The following ESCO2 variants were observed in gnomAD, a reference collection of about 807,000 sequenced individuals.
ESCO2 encodes establishment of sister chromatid cohesion N-acetyltransferase 2.
Under a neutral mutation model 61.7 loss-of-function variants are expected in ESCO2, and 51 were observed. The ratio of observed to expected loss-of-function variants is 0.83; its 90% CI spans 0.66 to 1.04. The LOEUF is 1.04. ESCO2 is among the 50% of genes least tolerant of loss of function. ESCO2 has a pLI of 0.00. For synonymous variants in ESCO2, 230 were observed against 238.2 expected (o/e 0.97, Z 0.32); for missense variants, 692 against 686.2 (o/e 1.01, Z -0.09).
At chr8:27,789,011 A>G (rs1201658031) in intron 7 of ESCO2, 33 bp downstream of exon 7, 17 of 1,613,464 alleles carry the variant, frequency 1.1e-5, no homozygotes, top group Admixed American at 5.0e-5. Context: ...AGTTTGTTCT[A>G]GAAGTAAAAC....
rs1805526467 is a variant in ESCO2, at chr8:27,804,843, T to G, written c.*1405T>G. 1 of 838,488 alleles carries G rather than the reference T, an allele frequency of 1.2e-6. No individual in the cohort carries two copies. Among genetic ancestry groups the G allele is most frequent in the African/African-American group, 1.9e-5 (1 of 51,522 alleles). The allele number at this position is 838,488 out of a possible 1,614,324, so 51.9% of individuals were successfully genotyped here. A position where few individuals can be genotyped will look rare whatever the true frequency, so the allele number is the denominator to read the frequency against. On this transcript the variant is annotated 3_prime_UTR_variant, in exon 11 of 11. Transcript: ENST00000305188. ...AAATATTTTATTTAAAATTTTTAAT[T>G]AACATTTTGTTTGCTTAATGCTTTT...
rs1437071292 is a variant in ESCO2, at chr8:27,776,318, T to A, written c.54-44T>A. 3 of 1,524,040 alleles carry A rather than the reference T, an allele frequency of 2.0e-6. No individual in the cohort carries two copies. In the Admixed American group the frequency reaches 5.7e-5, roughly 29 times the overall value. The allele number at this position is 1,524,040 out of a possible 1,614,324, so 94.4% of individuals were successfully genotyped here. On this transcript the variant is annotated intron_variant, in intron 2 of 10. Transcript: ENST00000305188. ...CTTAGCAGTAGATTTATGTAAATTT[T>A]GACGCAAAATAATCTTATCAATGGA... is the stretch of plus-strand genomic sequence containing the variant.
downstream of ESCO2, chr8:27,810,379 C>G (rs940421569): frequency 7.0e-5 from 112 of 1,611,186 alleles, no homozygotes; most frequent in Non-Finnish European, 9.3e-5. Flanking sequence ...TTAGTGCATA[C>G]AGAGAAGAGT....
At chr8:27,801,969 A>ATTTTTTTTTTTTTTTTTTTTTTTTT (rs34539100) in intron 10 of ESCO2, among the ~76,000 whole-genome samples, 1 of 83,780 alleles carries the variant, frequency 1.2e-5, no homozygotes, top group Non-Finnish European at 2.1e-5. Flanking sequence ...CCTTCATGGC[A>ATTTTTTTTTTTTTTTTTTTTTTTTT]TTTTTTTTTT....
At chr8:27,773,484 G>C (rs983432201), upstream of ESCO2, among the ~76,000 whole-genome samples, 19 of 151,826 alleles carry the variant, frequency 1.3e-4, no homozygotes, top group African/African-American at 3.6e-4. Context: ...GGGGGAGGGG[G>C]GTTGGAATCT....
intron 9 of ESCO2, among the ~76,000 whole-genome samples, chr8:27,796,060 A>G (rs769164518): frequency 4.0e-5 from 6 of 151,274 alleles, no homozygotes; most frequent in Non-Finnish European, 7.4e-5. Flanking sequence ...TGATGTCATT[A>G]CAGATGGGCT....
At chr8:27,814,810 A>T (rs1805779647), downstream of ESCO2, among the ~76,000 whole-genome samples, 1 of 152,102 alleles carries the variant, frequency 6.6e-6, no homozygotes, top group South Asian at 2.1e-4. Context: ...GTTTCCTTAG[A>T]TATCTTGTTA....
intron 9 of ESCO2, among the ~76,000 whole-genome samples, chr8:27,793,395 C>CTAA (rs1805222045): frequency 6.6e-6 from 1 of 151,544 alleles, no homozygotes. Flanking sequence ...CTAAATCAAG[C>CTAA]TAATATAGCT....
At chr8:27,791,854 T>C in intron 7 of ESCO2, 109 bp from the exon 8 acceptor site, 1 of 910,418 alleles carries the variant, frequency 1.1e-6, no homozygotes. Flanking sequence ...TTCTTCTTTT[T>C]ATATCTATTA....
upstream of ESCO2, chr8:27,772,609 A>G (rs1003964176): frequency 3.3e-6 from 5 of 1,495,576 alleles, no homozygotes; most frequent in East Asian, 5.0e-5. Flanking sequence ...TCAGGATACC[A>G]GACTCGCGGC....
At chr8:27,774,373 T>G (rs1325420320), upstream of ESCO2, 1 of 151,976 alleles carries the variant, frequency 6.6e-6, no homozygotes, top group Non-Finnish European at 1.5e-5. Flanking sequence ...GTGGGTGGCG[T>G]GGTTTCCCTC....
At chr8:27,811,480 A>T (rs1805681737), downstream of ESCO2, 1 of 404,976 alleles carries the variant, frequency 2.5e-6, no homozygotes, top group South Asian at 2.7e-5. Context: ...CCTTGAGCAG[A>T]TCACTTCTAG....
intron 9 of ESCO2, 93 bp downstream of exon 9, chr8:27,792,904 A>G (rs953461957): frequency 3.0e-6 from 4 of 1,314,918 alleles, no homozygotes; most frequent in Non-Finnish European, 4.2e-6. Flanking sequence ...TGCTACCATT[A>G]ATGACACTCT....
chr8:27,808,887 T>C (rs180727028), downstream of ESCO2, among the ~76,000 whole-genome samples: 303 of 152,304 alleles, frequency 2.0e-3, no homozygotes, highest in Non-Finnish European at 3.5e-3. Context: ...GGGCAGTGCA[T>C]GCTGGGATTA....
chr8:27,811,319 A>G (rs966266675), downstream of ESCO2: 7 of 613,966 alleles, frequency 1.1e-5, no homozygotes, highest in African/African-American at 9.2e-5. Context: ...GTAAATATTC[A>G]AGAAGCTGGT....
At chr8:27,818,740 C>CT in the ESCO2 span, among the ~76,000 whole-genome samples, 30 of 151,224 alleles carry the variant, frequency 2.0e-4, no homozygotes, top group African/African-American at 6.1e-4. Flanking sequence ...ATATAGAATT[C>CT]TTTTTTTTTA....
rs1491012950 is a variant in ESCO2 at position 27,803,566 on chromosome 8, ACG to A, written c.*130_*131del. ...CACACTCATACACACACACACACAC[ACG>A]CACACACACATATCACAGTTTTGTT... is the stretch of plus-strand genomic sequence containing the variant. On this transcript the variant is annotated 3_prime_UTR_variant, in exon 11 of 11. Coordinates refer to ENST00000305188, the MANE Select transcript of ESCO2 (RefSeq NM_001017420.3). The A allele has an allele frequency of 3.4e-4, 498 of 1,449,394 alleles. No individual in the cohort carries two copies. Among genetic ancestry groups the A allele is most frequent in the East Asian group, 6.2e-4 (24 of 38,910 alleles). 89.8% of individuals were successfully genotyped at this position (1,449,394 alleles called of 1,614,324 possible).
At chr8:27,789,041 C>T (rs1256037707) in intron 7 of ESCO2, 63 bp downstream of exon 7, 6 of 1,599,050 alleles carry the variant, frequency 3.8e-6, no homozygotes, top group Non-Finnish European at 5.1e-6. Flanking sequence ...CATTTCTTTT[C>T]CACCACCTCT....
chr8:27,786,871 T>TTTC (rs1554555480), intron 5 of ESCO2, among the ~76,000 whole-genome samples: 1 of 148,882 alleles, frequency 6.7e-6, no homozygotes, highest in Non-Finnish European at 1.5e-5. Context: ...TTTTTTTTTT[T>TTTC]TTTCTTTCTT....
Sources: allele counts gnomAD v4.1 joint callset (sites outside exome capture counted in the v4.1 genomes callset), GRCh38; gene constraint gnomAD v4.1.1; transcripts MANE v1.5; gene names NCBI Gene and HGNC (gene_info 2026-07-23, HGNC 2026-07-21).